ZNF821: variants seen among roughly 807,000 people sequenced by gnomAD.
The protein encoded by ZNF821 is zinc finger protein 821.
Under a neutral mutation model 44.3 loss-of-function variants are expected in ZNF821, and 16 were observed. That is an observed-to-expected ratio of 0.36 (90% CI 0.24 to 0.55). ZNF821 has a LOEUF of 0.55. Among genes scored for constraint, ZNF821 ranks in the 20% least tolerant of loss-of-function variants. The pLI, the probability that ZNF821 is intolerant of heterozygous loss-of-function variation, is 0.86. For synonymous variants in ZNF821, 204 were observed against 197.6 expected (o/e 1.03, Z -0.27); for missense variants, 436 against 547.6 (o/e 0.80, Z 2.03).
intron 3 of ZNF821, among the ~76,000 whole-genome samples, chr16:71,879,021 C>T (rs2036153752): frequency 6.6e-6 from 1 of 152,128 alleles, no homozygotes; most frequent in African/African-American, 2.4e-5. Flanking sequence ...TCTAGCCTCT[C>T]CCTCTTGTGA....
intron 7 of ZNF821, among the ~76,000 whole-genome samples, chr16:71,861,403 C>T (rs1437670075): frequency 1.3e-5 from 2 of 152,234 alleles, no homozygotes; most frequent in Non-Finnish European, 2.9e-5. Context: ...AGACTCTGCA[C>T]TGTACACTAG....
chr16:71,875,714 G>A (rs1490898385), intron 3 of ZNF821, among the ~76,000 whole-genome samples: 2 of 151,754 alleles, frequency 1.3e-5, no homozygotes, highest in African/African-American at 4.8e-5. Flanking sequence ...CGCCGGCCTC[G>A]CCCTCCCGAA....
intron 1 of ZNF821, among the ~76,000 whole-genome samples, chr16:71,893,029 C>CTTGTTTTTT (rs2036898886): frequency 1.5e-5 from 1 of 65,908 alleles, no homozygotes; most frequent in Non-Finnish European, 2.6e-5. Context: ...CCCTGCCTGG[C>CTTGTTTTTT]TTTTTTTTTT....
At chr16:71,884,623 G>A (rs972737172), upstream of ZNF821, 1 of 152,326 alleles carries the variant, frequency 6.6e-6, no homozygotes, top group Admixed American at 6.5e-5. Context: ...CACGCTTCGC[G>A]GTGGCTTCGG....
At chr16:71,891,550 G>A (rs1462688452) in intron 1 of ZNF821, 1 of 152,158 alleles carries the variant, frequency 6.6e-6, no homozygotes, top group Non-Finnish European at 1.5e-5. Flanking sequence ...TACAACTCCC[G>A]AGTAGAAAGC....
intron 3 of ZNF821, among the ~76,000 whole-genome samples, chr16:71,878,113 C>CTT (rs59096817): frequency 8.2e-6 from 1 of 121,748 alleles, no homozygotes. Flanking sequence ...AACTATTTGT[C>CTT]TTTTTTTTTT....
chr16:71,889,623 A>C (rs2036874970), upstream of ZNF821, among the ~76,000 whole-genome samples: 1 of 152,170 alleles, frequency 6.6e-6, no homozygotes, highest in Admixed American at 6.6e-5. Flanking sequence ...GCAGTGATCC[A>C]AGATTATGCC....
chr16:71,889,680 C>G (rs1312628926), upstream of ZNF821, among the ~76,000 whole-genome samples: 2 of 151,540 alleles, frequency 1.3e-5, no homozygotes, highest in African/African-American at 2.4e-5. Context: ...TCTCAAAAAA[C>G]AAAACAAAAA....
Position 71,861,757 on chromosome 16 carries a change from G to T in ZNF821, c.584+19C>A. The T allele has an allele frequency of 6.2e-7, 1 of 1,613,130 alleles. No individual in the cohort carries two copies. Among genetic ancestry groups the T allele is most frequent in the Non-Finnish European group, 8.5e-7 (1 of 1,179,836 alleles). On this transcript the variant is annotated intron_variant, in intron 7 of 7. Transcript: ENST00000425432. Reference sequence around the variant, plus strand: ...CAGTAATTTGCTCCCAGCACAACAGGGATAAGTGCCCAGCTGACCTGTTAA... The same window carrying T: ...CAGTAATTTGCTCCCAGCACAACAGTGATAAGTGCCCAGCTGACCTGTTAA...
upstream of ZNF821, among the ~76,000 whole-genome samples, chr16:71,884,993 G>A (rs1239139313): frequency 2.0e-5 from 3 of 152,032 alleles, no homozygotes; most frequent in Non-Finnish European, 4.4e-5. Context: ...GAGTAGCTGG[G>A]ACTACAGGCG....
chr16:71,865,400 CACCTCTGACTT>C (rs1422021773), intron 4 of ZNF821, among the ~76,000 whole-genome samples: 1 of 152,130 alleles, frequency 6.6e-6, no homozygotes, highest in African/African-American at 2.4e-5. Flanking sequence ...CACTGTACAC[CACCTCTGACTT>C]ACCAACACTT....
chr16:71,888,597 A>G (rs1165599927), upstream of ZNF821, among the ~76,000 whole-genome samples: 1 of 152,004 alleles, frequency 6.6e-6, no homozygotes, highest in African/African-American at 2.4e-5. Flanking sequence ...GCATGGGTTT[A>G]TTTCTGGACT....
chr16:71,877,449 G>A (rs959755690), intron 3 of ZNF821, among the ~76,000 whole-genome samples: 10 of 152,038 alleles, frequency 6.6e-5, no homozygotes, highest in African/African-American at 2.2e-4. Flanking sequence ...TTGAAAAAAC[G>A]GGGTTTTGCC....
chr16:71,887,247 T>G (rs1374294110), upstream of ZNF821, among the ~76,000 whole-genome samples: 1 of 147,520 alleles, frequency 6.8e-6, no homozygotes, highest in Non-Finnish European at 1.5e-5. Flanking sequence ...AAATGGTAAC[T>G]CTATATTCAA....
At chr16:71,893,047 T>TTTTTTTTTTTTG (rs71153679) in intron 1 of ZNF821, among the ~76,000 whole-genome samples, 1 of 136,070 alleles carries the variant, frequency 7.3e-6, no homozygotes, top group Admixed American at 7.5e-5. Context: ...TTTTTTTTTT[T>TTTTTTTTTTTTG]GAGATATAGT....
upstream of ZNF821, among the ~76,000 whole-genome samples, chr16:71,888,032 A>G (rs2036868257): frequency 6.6e-6 from 1 of 151,800 alleles, no homozygotes; most frequent in Non-Finnish European, 1.5e-5. Flanking sequence ...ACACGCCACC[A>G]CACCTGAATA....
upstream of ZNF821, among the ~76,000 whole-genome samples, chr16:71,887,898 C>T (rs1301217839): frequency 1.3e-5 from 2 of 150,186 alleles, no homozygotes; most frequent in East Asian, 1.9e-4. Flanking sequence ...ACTCTGTTGC[C>T]CAGGCTGGAG....
At chr16:71,892,666 G>A (rs1266011002) in intron 1 of ZNF821, among the ~76,000 whole-genome samples, 3 of 150,796 alleles carry the variant, frequency 2.0e-5, no homozygotes, top group East Asian at 3.9e-4. Flanking sequence ...CCGCCTCCCC[G>A]GTTCAAGCGA....
At chr16:71,871,697 T>C (rs753858543) in intron 3 of ZNF821, among the ~76,000 whole-genome samples, 14 of 152,192 alleles carry the variant, frequency 9.2e-5, no homozygotes, top group Non-Finnish European at 1.8e-4. Context: ...GCCATCTTAT[T>C]TAATATGTGT....
Sources: gnomAD v4.1 joint callset for allele counts (sites outside exome capture counted in the v4.1 genomes callset) on GRCh38, gnomAD v4.1.1 for gene constraint, MANE v1.5 for transcripts, NCBI Gene and HGNC (gene_info 2026-07-23, HGNC 2026-07-21) for gene names.